Variants in MBOAT1 observed in about 807,000 individuals in gnomAD.
MBOAT1 encodes membrane-bound glycerophospholipid O-acyltransferase 1.
Under a neutral mutation model 64.4 loss-of-function variants are expected in MBOAT1, and 67 were observed. That is an observed-to-expected ratio of 1.04 (90% CI 0.85 to 1.27). The LOEUF is 1.27. Among genes scored for constraint, MBOAT1 ranks in the 50% most tolerant of loss-of-function variants. MBOAT1 has a pLI of 0.00. For synonymous variants in MBOAT1, 229 were observed against 218.9 expected (o/e 1.05, Z -0.41); for missense variants, 563 against 604.6 (o/e 0.93, Z 0.72).
chr6:20,149,810 A>G lies in MBOAT1; in HGVS notation c.323+1375T>C, dbSNP rs149598143. Among the ~76,000 whole-genome samples, 148 of 152,370 alleles carry G rather than the reference A, an allele frequency of 9.7e-4. 1 individual carries two copies. Among genetic ancestry groups the G allele is most frequent in the African/African-American group, 3.3e-3 (139 of 41,596 alleles). ...TCATACAGTGAAAAGTTAAATTTCA[A>G]TGTTTTTAAGGAGGAAAACTACTGT... On this transcript the variant is annotated intron_variant, in intron 3 of 12. Transcript: ENST00000324607.
At chr6:20,124,093 T>C (rs1760580063) in intron 8 of MBOAT1, among the ~76,000 whole-genome samples, 1 of 152,048 alleles carries the variant, frequency 6.6e-6, no homozygotes, top group Non-Finnish European at 1.5e-5. Flanking sequence ...TTCCAGAATT[T>C]CCCCTCAACT....
At chr6:20,111,859 C>CATATATATACATATATAT (rs1554115576) in intron 11 of MBOAT1, among the ~76,000 whole-genome samples, 1 of 108,646 alleles carries the variant, frequency 9.2e-6, no homozygotes, top group Non-Finnish European at 1.8e-5. Context: ...TATATATATA[C>CATATATATACATATATAT]ATATATATAC....
At chr6:20,151,982 G>C (rs1581426404) in intron 2 of MBOAT1, among the ~76,000 whole-genome samples, 1 of 152,254 alleles carries the variant, frequency 6.6e-6, no homozygotes, top group Non-Finnish European at 1.5e-5. Context: ...AAACCTTACA[G>C]CATCCCATTT....
chr6:20,196,035 A>T (rs759637153), intron 1 of MBOAT1, among the ~76,000 whole-genome samples: 5 of 152,252 alleles, frequency 3.3e-5, no homozygotes, highest in Non-Finnish European at 7.3e-5. Context: ...CCACAGAGGG[A>T]AACAGCAGAT....
intron 1 of MBOAT1, among the ~76,000 whole-genome samples, chr6:20,190,660 G>C (rs1561782835): frequency 6.6e-6 from 1 of 151,588 alleles, no homozygotes; most frequent in African/African-American, 2.4e-5. Context: ...TCACATTTAG[G>C]AATCTTTCTA....
rs1001453565 is a variant in MBOAT1 at position 20,154,509 on chromosome 6, G to A, written c.100-1740C>T. On this transcript the variant is annotated intron_variant, in intron 1 of 12. Transcript: ENST00000324607. ...GATCGCACCACTGCACTCCAGCCTG[G>A]GCAACAGAGCAAGACTTCATCTCAA... is the stretch of plus-strand genomic sequence containing the variant. Among the ~76,000 whole-genome samples the A allele has an allele frequency of 1.5e-4, 23 of 151,916 alleles. 1 individual carries two copies. Among genetic ancestry groups the A allele is most frequent in the African/African-American group, 5.6e-4 (23 of 41,422 alleles).
At chr6:20,150,798 T>C (rs1228602149) in intron 3 of MBOAT1, among the ~76,000 whole-genome samples, 1 of 151,540 alleles carries the variant, frequency 6.6e-6, no homozygotes, top group African/African-American at 2.4e-5. Context: ...CCCAGGCTGG[T>C]CTTGAACTCT....
At chr6:20,143,005 G>A (rs1200553670) in intron 4 of MBOAT1, among the ~76,000 whole-genome samples, 1 of 152,160 alleles carries the variant, frequency 6.6e-6, no homozygotes, top group East Asian at 1.9e-4. Flanking sequence ...GGACAGTTGA[G>A]TTGCACAACT....
At chr6:20,175,327 T>C (rs367860720) in intron 1 of MBOAT1, among the ~76,000 whole-genome samples, 9 of 152,214 alleles carry the variant, frequency 5.9e-5, no homozygotes, top group African/African-American at 2.2e-4. Flanking sequence ...TATAGGTCAC[T>C]GTAACCCTGT....
Position 20,124,502 on chromosome 6 carries a change from C to G in MBOAT1, c.813G>C (p.Trp271Cys). Residue 271 changes from tryptophan to cysteine, a missense_variant, in exon 8 of 13, where the codon TGG becomes TGC. Transcript: ENST00000324607. ...TFPVTCLVDD[W>C]FVHKASFPAR... ...CCGGAAAGCTTGCTTTATGGACAAA[C>G]CAGTCATCCACAAGGCAGGTGACAG... 6.2e-7 allele frequency: 1 copy of G among 1,614,176 alleles called. No individual in the cohort carries two copies. The highest frequency in any genetic ancestry group is 8.5e-7 in the Non-Finnish European group (1 of 1,180,030).
At chr6:20,209,799 C>G (rs1763369603) in intron 1 of MBOAT1, among the ~76,000 whole-genome samples, 1 of 152,226 alleles carries the variant, frequency 6.6e-6, no homozygotes, top group East Asian at 1.9e-4. Context: ...CCTCCCTATC[C>G]TGTGCCACAG....
Position 20,102,233 on chromosome 6 carries a change from T to C in MBOAT1, c.*53A>G. 6.3e-7 allele frequency: 1 copy of C among 1,574,876 alleles called. No individual in the cohort carries two copies. Among genetic ancestry groups the C allele is most frequent in the Admixed American group, 1.8e-5 (1 of 56,920 alleles). ...CGGAGGAGCCCTTGAAGCCTTGTCA[T>C]CTCATCTTTCGAACGTTCTGCAGTT... On this transcript the variant is annotated 3_prime_UTR_variant, in exon 13 of 13. Coordinates refer to ENST00000324607, the MANE Select transcript of MBOAT1 (RefSeq NM_001080480.3).
intron 1 of MBOAT1, among the ~76,000 whole-genome samples, chr6:20,153,638 G>A (rs1037951852): frequency 6.6e-6 from 1 of 152,172 alleles, no homozygotes; most frequent in Admixed American, 6.5e-5. Flanking sequence ...ATAAACAAGA[G>A]CATTTCTCAA....
chr6:20,105,111 C>T (rs1315721300), intron 12 of MBOAT1, among the ~76,000 whole-genome samples: 1 of 152,224 alleles, frequency 6.6e-6, no homozygotes, highest in East Asian at 1.9e-4. Context: ...TTCTCATGGG[C>T]ACACCCTGGC....
chr6:20,111,569 CAT>C (rs1315101180), intron 11 of MBOAT1, among the ~76,000 whole-genome samples: 1 of 151,948 alleles, frequency 6.6e-6, no homozygotes, highest in East Asian at 1.9e-4. Flanking sequence ...CAGTTGAAAC[CAT>C]AGAGTAAAAG....
intron 12 of MBOAT1, among the ~76,000 whole-genome samples, chr6:20,107,269 C>T (rs1435236285): frequency 6.6e-6 from 1 of 152,178 alleles, no homozygotes; most frequent in Non-Finnish European, 1.5e-5. Flanking sequence ...CTATGTTCTG[C>T]CCACATTCAC....
At chr6:20,156,670 TCA>T (rs1761698105) in intron 1 of MBOAT1, among the ~76,000 whole-genome samples, 3 of 152,254 alleles carry the variant, frequency 2.0e-5, no homozygotes, top group African/African-American at 7.2e-5. Context: ...TAGTAAGTAT[TCA>T]CAGAGATGTG....
intron 9 of MBOAT1, among the ~76,000 whole-genome samples, chr6:20,115,928 G>A (rs2472770): frequency 0.1 from 15,289 of 151,718 alleles, 934 homozygotes; most frequent in African/African-American, 0.16. Context: ...ACCGGCAGTG[G>A]CGCAAGCAAA....
At chr6:20,122,563 T>A (rs1760524273) in intron 8 of MBOAT1, among the ~76,000 whole-genome samples, 1 of 152,154 alleles carries the variant, frequency 6.6e-6, no homozygotes, top group African/African-American at 2.4e-5. Flanking sequence ...CTAAGTCAGA[T>A]CTCTCCAGCC....
Sources: allele counts gnomAD v4.1 joint callset (sites outside exome capture counted in the v4.1 genomes callset), GRCh38; gene constraint gnomAD v4.1.1; transcripts MANE v1.5; gene names NCBI Gene and HGNC (gene_info 2026-07-23, HGNC 2026-07-21).